Variants in NXPE2 observed in about 807,000 individuals in gnomAD.
The protein encoded by NXPE2 is NXPE family member 2.
NXPE2 carries 34 observed loss-of-function variants against 34.4 expected under a neutral mutation model. That is an observed-to-expected ratio of 0.99 (90% confidence interval 0.75 to 1.31). The LOEUF (loss-of-function observed/expected upper bound fraction) is 1.31. Among genes scored for constraint, NXPE2 ranks in the 40% most tolerant of loss-of-function variants. The probability of loss-of-function intolerance (pLI) is 0.00; values close to 1 mark genes in which losing one functional copy is unlikely to be tolerated. For missense variants in NXPE2, 649 were observed against 672.5 expected (o/e 0.97, Z 0.39); for synonymous variants, 235 against 231.3 (o/e 1.02, Z -0.15).
the NXPE2 span, among the ~76,000 whole-genome samples, chr11:114,483,832 C>T: frequency 6.6e-6 from 1 of 152,180 alleles, no homozygotes; most frequent in Non-Finnish European, 1.5e-5. Context: ...GGTCTCTGGG[C>T]AGAGAAAGAA....
chr11:114,667,093 CTG>C, the NXPE2 span, among the ~76,000 whole-genome samples: 1 of 152,206 alleles, frequency 6.6e-6, no homozygotes, highest in South Asian at 2.1e-4. Context: ...GTTGTTCTAA[CTG>C]TGCTGTGATG....
intron 3 of NXPE2, among the ~76,000 whole-genome samples, chr11:114,699,562 G>C (rs1193928707): frequency 1.3e-5 from 2 of 152,022 alleles, no homozygotes; most frequent in African/African-American, 4.8e-5. Flanking sequence ...TTTAACAAAT[G>C]GACCATGTCC....
At chr11:114,485,416 G>T in the NXPE2 span, among the ~76,000 whole-genome samples, 1 of 125,838 alleles carries the variant, frequency 7.9e-6, no homozygotes. Flanking sequence ...TTTAAGTAGA[G>T]ACGGGGTTTC....
At chr11:114,569,803 T>TA in the NXPE2 span, among the ~76,000 whole-genome samples, 2 of 152,164 alleles carry the variant, frequency 1.3e-5, no homozygotes, top group African/African-American at 4.8e-5. Context: ...ATAGATATTT[T>TA]AAAATCCTCT....
chr11:114,679,738 C>A lies in NXPE2; in HGVS notation c.108C>A (p.Tyr36Ter). 1 of 1,549,500 alleles carries A rather than the reference C, an allele frequency of 6.5e-7. No individual in the cohort carries two copies. Among genetic ancestry groups the A allele is most frequent in the Non-Finnish European group, 8.7e-7 (1 of 1,145,246 alleles). Residue 36 changes from tyrosine (Y) to a stop codon, truncating the protein, a stop_gained, in exon 2 of 6, where the codon TAC becomes TAA. Transcript: ENST00000389586. LOFTEE classifies it high-confidence loss of function. ...LTFILIFWIIYLASKDHTKFS... is the reference protein window; with the variant it reads ...LTFILIFWII ...TTATCTTAATTTTCTGGATCATTTACTTGGCTTCAAAAGACCACACAAAGG... is the reference window on the plus strand; with the variant it reads ...TTATCTTAATTTTCTGGATCATTTAATTGGCTTCAAAAGACCACACAAAGG...
At chr11:114,566,400 G>A in the NXPE2 span, among the ~76,000 whole-genome samples, 1 of 152,164 alleles carries the variant, frequency 6.6e-6, no homozygotes, top group South Asian at 2.1e-4. Flanking sequence ...AGAGAAATCT[G>A]TGGCACAGAA....
chr11:114,583,496 G>C, the NXPE2 span: 2 of 629,462 alleles, frequency 3.2e-6, no homozygotes, highest in South Asian at 2.8e-5. Context: ...CATCTATCCA[G>C]ATTACGTGTC....
upstream of NXPE2, among the ~76,000 whole-genome samples, chr11:114,677,260 C>T (rs1223644719): frequency 2.0e-5 from 3 of 151,998 alleles, no homozygotes; most frequent in Non-Finnish European, 4.4e-5. Context: ...TGCAAAGAGA[C>T]TAGATCTTAA....
the NXPE2 span, among the ~76,000 whole-genome samples, chr11:114,485,627 C>G: frequency 6.6e-6 from 1 of 151,760 alleles, no homozygotes; most frequent in Non-Finnish European, 1.5e-5. Flanking sequence ...ATTTTTGTAC[C>G]CATTAATCAT....
At chr11:114,733,494 A>G in the NXPE2 span, among the ~76,000 whole-genome samples, 4 of 152,200 alleles carry the variant, frequency 2.6e-5, no homozygotes, top group Non-Finnish European at 4.4e-5. Context: ...ATCCTGCTTC[A>G]GGTGATTTGG....
the NXPE2 span, among the ~76,000 whole-genome samples, chr11:114,723,166 C>T: frequency 3.9e-5 from 6 of 152,072 alleles, no homozygotes; most frequent in African/African-American, 9.7e-5. Flanking sequence ...GGATTGGAGA[C>T]GGTAACCAGG....
the NXPE2 span, among the ~76,000 whole-genome samples, chr11:114,664,569 G>C: frequency 1.3e-5 from 2 of 152,134 alleles, no homozygotes; most frequent in African/African-American, 4.8e-5. Context: ...TGCACACACA[G>C]AAGAAAAGGA....
the NXPE2 span, among the ~76,000 whole-genome samples, chr11:114,763,855 T>G: frequency 6.6e-6 from 1 of 152,182 alleles, no homozygotes; most frequent in African/African-American, 2.4e-5. Flanking sequence ...GTATGAAGAG[T>G]CTAATTAGCA....
At chr11:114,614,661 T>G in the NXPE2 span, among the ~76,000 whole-genome samples, 1 of 150,166 alleles carries the variant, frequency 6.7e-6, no homozygotes, top group Non-Finnish European at 1.5e-5. Context: ...GTATCCACTG[T>G]TACCCACTGG....
chr11:114,588,943 C>G, the NXPE2 span, among the ~76,000 whole-genome samples: 3 of 152,102 alleles, frequency 2.0e-5, no homozygotes, highest in African/African-American at 7.2e-5. Context: ...GGAGAACCTC[C>G]TGAGGGTGGC....
chr11:114,500,986 T>C, the NXPE2 span, among the ~76,000 whole-genome samples: 1 of 152,224 alleles, frequency 6.6e-6, no homozygotes, highest in African/African-American at 2.4e-5. Flanking sequence ...AGTTTGAAGC[T>C]TCTGTATTTG....
chr11:114,626,259 C>A, the NXPE2 span, among the ~76,000 whole-genome samples: 1 of 152,212 alleles, frequency 6.6e-6, no homozygotes, highest in Non-Finnish European at 1.5e-5. Context: ...GTAACCTCTG[C>A]AGACTTAAAT....
At chr11:114,719,456 G>A in the NXPE2 span, among the ~76,000 whole-genome samples, 20 of 152,288 alleles carry the variant, frequency 1.3e-4, no homozygotes, top group African/African-American at 4.1e-4. Context: ...CAGGAGGGTC[G>A]GGGAGCTGCT....
chr11:114,719,894 G>T, the NXPE2 span, among the ~76,000 whole-genome samples: 1 of 152,166 alleles, frequency 6.6e-6, no homozygotes, highest in Non-Finnish European at 1.5e-5. Flanking sequence ...CCTAACACTT[G>T]CTTGGTTCCC....
Sources: allele counts gnomAD v4.1 joint callset (sites outside exome capture counted in the v4.1 genomes callset), GRCh38; gene constraint gnomAD v4.1.1; transcripts MANE v1.5; gene names NCBI Gene and HGNC (gene_info 2026-07-23, HGNC 2026-07-21).